The following SCUBE2 variants were observed in gnomAD, a reference collection of about 807,000 sequenced individuals.
The protein encoded by SCUBE2 is signal peptide, CUB and EGF-like domain-containing protein 2.
A neutral mutation model predicts 125.9 loss-of-function variants in SCUBE2; 114 were observed. That is an observed-to-expected ratio of 0.91 (90% CI 0.78 to 1.06). The LOEUF (loss-of-function observed/expected upper bound fraction) is 1.06. Among genes scored for constraint, SCUBE2 ranks in the 50% least tolerant of loss-of-function variants. The pLI, the probability that SCUBE2 is intolerant of heterozygous loss-of-function variation, is 0.00. For synonymous variants in SCUBE2, 459 were observed against 492.9 expected (o/e 0.93, Z 0.91); for missense variants, 1,255 against 1,301.8 (o/e 0.96, Z 0.55).
chr11:9,046,453 C>T (rs1857786875), intron 16 of SCUBE2, among the ~76,000 whole-genome samples: 1 of 152,134 alleles, frequency 6.6e-6, no homozygotes, highest in African/African-American at 2.4e-5. Context: ...GGGCCCTTGA[C>T]ATTAGGTTTT....
At chr11:9,062,537 C>T (rs1859782453) in intron 7 of SCUBE2, among the ~76,000 whole-genome samples, 1 of 152,080 alleles carries the variant, frequency 6.6e-6, no homozygotes, top group Admixed American at 6.5e-5. Flanking sequence ...TGGAAAGCCT[C>T]TAATACGGAA....
At chr11:9,064,785 T>C (rs1860044212) in intron 7 of SCUBE2, 2 of 152,212 alleles carry the variant, frequency 1.3e-5, no homozygotes. Context: ...GGCTGTATGA[T>C]ATGTTGCCTG....
rs199620023 is a variant in SCUBE2 at position 9,043,251 on chromosome 11, AATAC to A, written c.2002+4101_2002+4104del. ...CAAAACAACCAAATACAGTATATAT[AATAC>A]ATACATACATACATACATATATACA... On this transcript the variant is annotated intron_variant, in intron 16 of 22. Transcript: ENST00000649792. Among the ~76,000 whole-genome samples, 21 of 151,940 alleles carry A rather than the reference AATAC, an allele frequency of 1.4e-4. No individual in the cohort carries two copies. The South Asian group carries it at 2.9e-3, about 21-fold the overall frequency.
At chr11:9,059,277 A>G (rs778430691) in intron 9 of SCUBE2, 26 bp downstream of exon 9, 20 of 1,611,148 alleles carry the variant, frequency 1.2e-5, no homozygotes, top group Non-Finnish European at 1.7e-5. Flanking sequence ...GCCATTGCGC[A>G]GCACAGCTAT....
intron 19 of SCUBE2, among the ~76,000 whole-genome samples, chr11:9,028,444 C>A (rs1026879910): frequency 6.6e-5 from 10 of 152,218 alleles, no homozygotes; most frequent in African/African-American, 2.4e-4. Flanking sequence ...CACATGTGCA[C>A]ATGCTTGCAC....
At chr11:9,027,307 G>A in intron 20 of SCUBE2, 57 bp downstream of exon 20, 1 of 1,528,362 alleles carries the variant, frequency 6.5e-7, no homozygotes, top group Non-Finnish European at 9.0e-7. Context: ...AGCCTGAGGA[G>A]CAGGTCATCA....
intron 2 of SCUBE2, among the ~76,000 whole-genome samples, chr11:9,079,769 T>A (rs1861486713): frequency 6.6e-6 from 1 of 151,314 alleles, no homozygotes; most frequent in Admixed American, 6.6e-5. Context: ...ATGCAGCTAT[T>A]TTAAAAAAAA....
intron 1 of SCUBE2, 124 bp from the exon 2 acceptor site, chr11:9,089,953 T>G (rs1312654940): frequency 8.1e-7 from 1 of 1,239,604 alleles, no homozygotes; most frequent in East Asian, 2.6e-5. Context: ...TACAGCTGCT[T>G]GGGATCCCTG....
intron 16 of SCUBE2, among the ~76,000 whole-genome samples, chr11:9,039,244 G>A (rs1001161259): frequency 6.0e-5 from 9 of 148,818 alleles, no homozygotes; most frequent in African/African-American, 2.1e-4. Flanking sequence ...GACTGAGCTA[G>A]AGATGACGGT....
intron 2 of SCUBE2, among the ~76,000 whole-genome samples, chr11:9,089,191 C>T (rs1005841595): frequency 6.6e-6 from 1 of 152,204 alleles, no homozygotes. Flanking sequence ...ACCTGTAACT[C>T]CAAACGAGGA....
At position 9,091,257 on chromosome 11, in the gene SCUBE2, G is replaced by C; in HGVS notation, c.133+139C>G. On this transcript the variant is annotated intron_variant, in intron 1 of 22. Transcript: ENST00000649792. This position sits in a 1 kb window ranked among gnomAD's most constrained non-coding sequence, Gnocchi z 8.5. ...GGCCCGGCCGGCGGGTGAGGTCCCG[G>C]GGGGAGCAGAGGCCCCCGCGGAGCT... The C allele has an allele frequency of 5.5e-6, 3 of 541,040 alleles. No homozygotes were observed. The highest frequency in any genetic ancestry group is 5.4e-6 in the Non-Finnish European group (2 of 371,824). 33.5% of individuals were successfully genotyped at this position (541,040 alleles called of 1,614,324 possible). A position where few individuals can be genotyped will look rare whatever the true frequency, so the allele number is the denominator to read the frequency against.
intron 2 of SCUBE2, among the ~76,000 whole-genome samples, chr11:9,087,428 T>A (rs570365187): frequency 1.5e-4 from 23 of 152,220 alleles, no homozygotes; most frequent in African/African-American, 5.3e-4. Flanking sequence ...AATAGAATAT[T>A]TAATACCGAA....
Position 9,047,949 on chromosome 11 carries a change from C to T in SCUBE2, c.1789G>A (p.Val597Met). The change falls in exon 15 of 23, where the codon GTG becomes ATG. Residue 597 changes from valine to methionine, a missense_variant. Val to Met is a conservative substitution (Grantham distance 21, BLOSUM62 1). This residue lies in a region of SCUBE2 where 378 missense variants were observed against 463.1 expected (regional missense o/e 0.82). Transcript: ENST00000649792. The part of the protein sequence containing the change: ...EFELETNQKE[V>M]TASCDLSCIV... ...AGACTGTTTTCAAACCAACCTGTCA[C>T]CTCCTTTTGGTTAGTTTCAAGCTCA... is the stretch of plus-strand genomic sequence containing the variant. The T allele has an allele frequency of 6.2e-7, 1 of 1,610,118 alleles. No individual in the cohort carries two copies. Among genetic ancestry groups the T allele is most frequent in the Non-Finnish European group, 8.5e-7 (1 of 1,178,018 alleles).
chr11:9,062,968 C>T (rs117257182), intron 7 of SCUBE2, among the ~76,000 whole-genome samples: 5,545 of 152,014 alleles, frequency 0.036, 136 homozygotes, highest in Middle Eastern at 0.071. Context: ...AAGACGGGTG[C>T]GGTGGCTCAT....
chr11:9,024,281 G>T (rs1463662424), intron 21 of SCUBE2: 5 of 1,096,882 alleles, frequency 4.6e-6, no homozygotes, highest in African/African-American at 3.3e-5. Context: ...AGGAGAGGTT[G>T]CCAGTTGGTT....
At chr11:9,024,884 T>C (rs187336331) in intron 21 of SCUBE2, among the ~76,000 whole-genome samples, 2 of 152,328 alleles carry the variant, frequency 1.3e-5, no homozygotes, top group African/African-American at 4.8e-5. Flanking sequence ...ACAATATATA[T>C]ATTTTGTGTT....
At chr11:9,029,841 TCTTCTTAGCCAGAA>T (rs1566166185) in intron 19 of SCUBE2, 29 bp downstream of exon 19, 1 of 1,611,536 alleles carries the variant, frequency 6.2e-7, no homozygotes, top group Non-Finnish European at 8.5e-7. Context: ...CAGACACCTA[TCTTCTTAGCCAGAA>T]CTATGAAAAG....
chr11:9,084,227 A>C (rs543566018), intron 2 of SCUBE2, among the ~76,000 whole-genome samples: 2 of 152,378 alleles, frequency 1.3e-5, no homozygotes, highest in African/African-American at 4.8e-5. Context: ...CAATGGCTAA[A>C]GCAAACAATT....
At chr11:9,068,058 T>C (rs1860426359) in intron 5 of SCUBE2, among the ~76,000 whole-genome samples, 1 of 152,116 alleles carries the variant, frequency 6.6e-6, no homozygotes, top group Non-Finnish European at 1.5e-5. Flanking sequence ...TCAGAACCTG[T>C]TGCTTGAGTG....
Sources: allele counts gnomAD v4.1 joint callset (sites outside exome capture counted in the v4.1 genomes callset), GRCh38; gene constraint gnomAD v4.1.1; regional missense constraint gnomAD v4.1.1; non-coding constraint Gnocchi (gnomAD v3.1); transcripts MANE v1.5; gene names NCBI Gene and HGNC (gene_info 2026-07-23, HGNC 2026-07-21).